Variants in GUCY1A2 observed in about 807,000 individuals in gnomAD.
GUCY1A2 encodes the protein guanylate cyclase soluble subunit alpha-2.
In GUCY1A2, 27 loss-of-function variants were observed where a neutral mutation model predicts 63.5. The observed-to-expected ratio is 0.43, with a 90% CI of 0.31 to 0.59. The LOEUF (loss-of-function observed/expected upper bound fraction) is 0.59, where lower values mean the gene tolerates loss of function less well. Among genes scored for constraint, GUCY1A2 ranks in the 20% least tolerant of loss-of-function variants. The pLI, the probability that GUCY1A2 is intolerant of heterozygous loss-of-function variation, is 0.11. For synonymous variants in GUCY1A2, 364 were observed against 343.5 expected (o/e 1.06, Z -0.66); for missense variants, 768 against 913.3 (o/e 0.84, Z 2.05).
chr11:106,791,849 T>C (rs1261082075), intron 5 of GUCY1A2, among the ~76,000 whole-genome samples: 1 of 152,098 alleles, frequency 6.6e-6, no homozygotes, highest in Non-Finnish European at 1.5e-5. Flanking sequence ...ATATATCTTA[T>C]ACTAAACTCA....
intron 3 of GUCY1A2, among the ~76,000 whole-genome samples, chr11:106,958,979 G>A (rs1055691076): frequency 1.3e-5 from 2 of 152,162 alleles, no homozygotes; most frequent in African/African-American, 2.4e-5. Context: ...GTGAAAATGA[G>A]TATCAGTGGT....
chr11:106,722,818 G>GTT (rs1863340139), intron 6 of GUCY1A2, among the ~76,000 whole-genome samples: 1 of 144,060 alleles, frequency 6.9e-6, no homozygotes, highest in Admixed American at 7.0e-5. Flanking sequence ...GTGTGTGTGT[G>GTT]TTGCACACAA....
At chr11:106,847,340 G>A (rs1015431243) in intron 4 of GUCY1A2, among the ~76,000 whole-genome samples, 3 of 150,644 alleles carry the variant, frequency 2.0e-5, no homozygotes, top group African/African-American at 4.9e-5. Context: ...GTGATAAAAT[G>A]ACATATGATA....
chr11:106,698,119 A>ATTT lies in GUCY1A2; in HGVS notation c.1992-10366_1992-10364dup, dbSNP rs71470827. 4.7e-4 allele frequency among the ~76,000 whole-genome samples: 47 copies of ATTT among 100,490 alleles called. 4 individuals carry two copies. The highest frequency in any genetic ancestry group is 1.7e-3 in the Admixed American group (16 of 9,244). The allele number at this position is 100,490 out of a possible 152,430, so 65.9% of individuals were successfully genotyped here. A position where few individuals can be genotyped will look rare whatever the true frequency, so the allele number is the denominator to read the frequency against. On this transcript the variant is annotated intron_variant, in intron 7 of 7. Transcript: ENST00000526355. The stretch of plus-strand genomic sequence containing the variant: ...TTTACAGCTTTCACTGAATGTTAGA[A>ATTT]TTTTTTTTTTTTTTTTTTTAGACAG...
At chr11:106,755,254 T>C (rs1404582120) in intron 6 of GUCY1A2, among the ~76,000 whole-genome samples, 1 of 152,150 alleles carries the variant, frequency 6.6e-6, no homozygotes, top group African/African-American at 2.4e-5. Context: ...TTATTAGTCT[T>C]GCTAGCAGTC....
At chr11:106,949,363 C>T (rs1423249956) in intron 3 of GUCY1A2, among the ~76,000 whole-genome samples, 1 of 152,154 alleles carries the variant, frequency 6.6e-6, no homozygotes. Context: ...CATTATGAAC[C>T]ACTTTTCAGT....
intron 4 of GUCY1A2, among the ~76,000 whole-genome samples, chr11:106,858,570 C>T (rs1859468029): frequency 6.6e-6 from 1 of 152,124 alleles, no homozygotes; most frequent in South Asian, 2.1e-4. Flanking sequence ...GATTTAAACA[C>T]AGGTCCATCT....
chr11:106,791,337 T>C (rs1447691902), intron 5 of GUCY1A2, among the ~76,000 whole-genome samples: 1 of 152,238 alleles, frequency 6.6e-6, no homozygotes, highest in Non-Finnish European at 1.5e-5. Flanking sequence ...GCTTTGCAGC[T>C]ACTACAGGGG....
chr11:106,960,742 A>C lies in GUCY1A2; in HGVS notation c.487+17877T>G, dbSNP rs141941337. 5.9e-5 allele frequency among the ~76,000 whole-genome samples: 9 copies of C among 152,292 alleles called. No individual in the cohort carries two copies. In the East Asian group the frequency reaches 1.7e-3, roughly 29 times the overall value. ...CAAAAATGATGGTGGTAACAGCGGT[A>C]GTGCACGTGAGTATGTTAAATCCTC... On this transcript the variant is annotated intron_variant, in intron 3 of 7. Coordinates refer to ENST00000526355, the MANE Select transcript of GUCY1A2 (RefSeq NM_000855.3).
chr11:106,923,961 A>G (rs1050118018), intron 4 of GUCY1A2, among the ~76,000 whole-genome samples: 5 of 152,218 alleles, frequency 3.3e-5, no homozygotes, highest in African/African-American at 1.2e-4. Context: ...ATCTATTGAG[A>G]TAAACCAAAA....
chr11:106,949,764 T>C lies in GUCY1A2; in HGVS notation c.488-9586A>G, dbSNP rs112584786. On this transcript the variant is annotated intron_variant, in intron 3 of 7. Coordinates refer to ENST00000526355, the MANE Select transcript of GUCY1A2 (RefSeq NM_000855.3). ...GGGGAGGAAGGAAACCATTCCAGACTGAAGAAACATATATGCTAAGGTCCA... is the reference window on the plus strand; with the variant it reads ...GGGGAGGAAGGAAACCATTCCAGACCGAAGAAACATATATGCTAAGGTCCA... 6.3e-3 allele frequency among the ~76,000 whole-genome samples: 957 copies of C among 152,264 alleles called. 11 individuals carry two copies. Among genetic ancestry groups the C allele is most frequent in the African/African-American group, 0.022 (914 of 41,570 alleles).
intron 6 of GUCY1A2, among the ~76,000 whole-genome samples, chr11:106,767,253 T>C (rs1864181253): frequency 6.6e-6 from 1 of 152,160 alleles, no homozygotes; most frequent in African/African-American, 2.4e-5. Flanking sequence ...TGTATTTTTC[T>C]TCCAAAAATG....
chr11:106,745,070 C>G (rs1225412466), intron 6 of GUCY1A2, among the ~76,000 whole-genome samples: 1 of 151,946 alleles, frequency 6.6e-6, no homozygotes, highest in African/African-American at 2.4e-5. Context: ...GAGAGAAAAA[C>G]AGGTTAAATT....
At chr11:106,897,034 C>G (rs780660395) in intron 4 of GUCY1A2, among the ~76,000 whole-genome samples, 1 of 151,770 alleles carries the variant, frequency 6.6e-6, no homozygotes, top group African/African-American at 2.4e-5. Flanking sequence ...ATACAAAATC[C>G]CATTACTTTT....
At chr11:106,783,797 A>G (rs1057232762) in intron 5 of GUCY1A2, among the ~76,000 whole-genome samples, 3 of 152,178 alleles carry the variant, frequency 2.0e-5, no homozygotes, top group Non-Finnish European at 4.4e-5. Context: ...GATGGCCCTC[A>G]GCAAATCTGC....
chr11:106,769,884 TA>T (rs1177724681), intron 6 of GUCY1A2, among the ~76,000 whole-genome samples: 1 of 152,078 alleles, frequency 6.6e-6, no homozygotes, highest in African/African-American at 2.4e-5. Context: ...TCAATGTGAT[TA>T]AAAAGTACTA....
At chr11:106,956,754 C>T (rs957684401) in intron 3 of GUCY1A2, among the ~76,000 whole-genome samples, 2 of 152,170 alleles carry the variant, frequency 1.3e-5, no homozygotes, top group African/African-American at 4.8e-5. Flanking sequence ...GAGGGTCTCA[C>T]CCAATCGGGT....
chr11:106,927,848 A>T (rs1860548911), intron 4 of GUCY1A2, among the ~76,000 whole-genome samples: 1 of 152,142 alleles, frequency 6.6e-6, no homozygotes, highest in South Asian at 2.1e-4. Flanking sequence ...CTGGGATTAC[A>T]GGCGTGAGCC....
chr11:107,009,245 T>C (rs1470087167), intron 1 of GUCY1A2, among the ~76,000 whole-genome samples: 5 of 152,216 alleles, frequency 3.3e-5, no homozygotes, highest in Non-Finnish European at 5.9e-5. Flanking sequence ...ATCTGATATC[T>C]GAACCTCCTA....
Sources: gnomAD v4.1 joint callset for allele counts (sites outside exome capture counted in the v4.1 genomes callset) on GRCh38, gnomAD v4.1.1 for gene constraint, MANE v1.5 for transcripts, NCBI Gene and HGNC (gene_info 2026-07-23, HGNC 2026-07-21) for gene names.